The following SLC14A2 variants were observed in gnomAD, a reference collection of about 807,000 sequenced individuals.
SLC14A2 encodes the protein urea transporter 2.
SLC14A2 carries 91 observed loss-of-function variants against 104.6 expected under a neutral mutation model. That is an observed-to-expected ratio of 0.87 (90% confidence interval 0.73 to 1.04). The LOEUF is 1.04. Ranked by LOEUF, SLC14A2 falls within the 50% of genes least tolerant of loss-of-function variation. The pLI is 0.00. For synonymous variants in SLC14A2, 476 were observed against 466.4 expected (o/e 1.02, Z -0.27); for missense variants, 1,189 against 1,156.0 (o/e 1.03, Z -0.41).
In SLC14A2 at chr18:45,486,498, T is replaced by C. The variant is rs148203910; in HGVS notation, c.-35+3176T>C. On this transcript the variant is annotated intron_variant, in intron 2 of 20. Coordinates refer to the SLC14A2 transcript ENST00000586448. ...CATTTTTCACAAATTATTTTCAGCA[T>C]AACCAAAAAATAAAAATGTATTTGC... 2.5e-4 allele frequency among the ~76,000 whole-genome samples: 38 copies of C among 152,266 alleles called. No individual in the cohort carries two copies. In the East Asian group the frequency reaches 7.3e-3, roughly 29 times the overall value.
intron 11 of SLC14A2, among the ~76,000 whole-genome samples, chr18:45,664,690 C>T (rs954828068): frequency 3.9e-5 from 6 of 152,202 alleles, no homozygotes; most frequent in Non-Finnish European, 7.3e-5. Context: ...CTTCCTCCAG[C>T]TCCCCCAAGT....
the SLC14A2 span, among the ~76,000 whole-genome samples, chr18:45,183,906 A>ATTTTTTTTTTTTTTTTTTTTTT: frequency 3.2e-5 from 2 of 62,720 alleles, no homozygotes; most frequent in Non-Finnish European, 5.4e-5. Context: ...TAATTTTCTA[A>ATTTTTTTTTTTTTTTTTTTTTT]TTTTTTTTTT....
intron 2 of SLC14A2, among the ~76,000 whole-genome samples, chr18:45,490,998 A>G (rs1293763438): frequency 6.6e-6 from 1 of 152,238 alleles, no homozygotes; most frequent in Admixed American, 6.5e-5. Context: ...GGGCACTGCC[A>G]TCCTAGAGGA....
At chr18:45,619,224 G>T (rs1186211362) in intron 1 of SLC14A2, among the ~76,000 whole-genome samples, 1 of 152,236 alleles carries the variant, frequency 6.6e-6, no homozygotes, top group African/African-American at 2.4e-5. Context: ...GTCCTGACAT[G>T]GAAGCTGAGC....
In SLC14A2 at chr18:45,362,691, G is replaced by A. The variant is rs533406623; in HGVS notation, c.-124-120542G>A. Among the ~76,000 whole-genome samples the A allele has an allele frequency of 3.9e-5, 6 of 152,326 alleles. No individual in the cohort carries two copies. In the South Asian group the frequency reaches 8.3e-4, roughly 21 times the overall value. ...GCTGCTACCAGGTAGGGCCACCCAC[G>A]TTCTGTCCAAAGCAGGAAGCATAGG... On this transcript the variant is annotated intron_variant, in intron 1 of 20. Coordinates refer to the SLC14A2 transcript ENST00000586448.
At chr18:45,511,505 T>C (rs2043365222) in intron 2 of SLC14A2, among the ~76,000 whole-genome samples, 1 of 152,122 alleles carries the variant, frequency 6.6e-6, no homozygotes, top group African/African-American at 2.4e-5. Context: ...CTGGGCTCAC[T>C]CCCACCACCC....
At chr18:45,312,784 A>G (rs1024322069) in intron 1 of SLC14A2, among the ~76,000 whole-genome samples, 2 of 152,198 alleles carry the variant, frequency 1.3e-5, no homozygotes, top group Admixed American at 1.3e-4. Flanking sequence ...CACGTTTTCC[A>G]GTCTACTTAG....
intron 1 of SLC14A2, among the ~76,000 whole-genome samples, chr18:45,231,185 A>G (rs1219652965): frequency 6.6e-6 from 1 of 151,870 alleles, no homozygotes; most frequent in Non-Finnish European, 1.5e-5. Flanking sequence ...TAACATCTTG[A>G]TACTTTTTTT....
chr18:45,482,286 G>A (rs866569388), intron 1 of SLC14A2, among the ~76,000 whole-genome samples: 3 of 152,160 alleles, frequency 2.0e-5, no homozygotes, highest in African/African-American at 7.2e-5. Flanking sequence ...TTATGGTACA[G>A]ACATATTAAC....
At chr18:45,440,805 G>A (rs751078899) in intron 1 of SLC14A2, among the ~76,000 whole-genome samples, 3 of 152,100 alleles carry the variant, frequency 2.0e-5, no homozygotes, top group African/African-American at 4.8e-5. Flanking sequence ...AAAGGGAAAC[G>A]GCTGTTGCTA....
At chr18:45,524,088 G>T (rs944405263) in intron 2 of SLC14A2, among the ~76,000 whole-genome samples, 4 of 152,170 alleles carry the variant, frequency 2.6e-5, no homozygotes, top group Non-Finnish European at 5.9e-5. Flanking sequence ...CTATTGTAAG[G>T]ATTGGCAGTA....
intron 1 of SLC14A2, among the ~76,000 whole-genome samples, chr18:45,353,632 C>A (rs2085523267): frequency 6.6e-6 from 1 of 152,164 alleles, no homozygotes; most frequent in Non-Finnish European, 1.5e-5. Context: ...CTTTCCTTCC[C>A]ACCACATCGT....
chr18:45,211,758 A>G (rs529391262), upstream of SLC14A2, among the ~76,000 whole-genome samples: 45 of 152,320 alleles, frequency 3.0e-4, 1 homozygote, highest in Admixed American at 2.7e-3. Flanking sequence ...CAATGTACAG[A>G]ACAATACATT....
intron 19 of SLC14A2, among the ~76,000 whole-genome samples, chr18:45,680,560 A>G (rs2046297373): frequency 6.6e-6 from 1 of 152,218 alleles, no homozygotes; most frequent in South Asian, 2.1e-4. Context: ...AGAAGAGCAC[A>G]TAGGAGCTGT....
intron 10 of SLC14A2, among the ~76,000 whole-genome samples, chr18:45,659,927 C>A (rs757900218): frequency 6.7e-6 from 1 of 149,428 alleles, no homozygotes; most frequent in Admixed American, 6.7e-5. Flanking sequence ...GAGTTTGGGA[C>A]CAGCCTGGTC....
intron 1 of SLC14A2, among the ~76,000 whole-genome samples, chr18:45,314,006 A>G (rs1042085039): frequency 6.6e-6 from 1 of 152,198 alleles, no homozygotes; most frequent in Non-Finnish European, 1.5e-5. Flanking sequence ...CATCCGTGCA[A>G]TGGCAGGAAG....
At chr18:45,346,309 C>A (rs953716135) in intron 1 of SLC14A2, among the ~76,000 whole-genome samples, 5 of 152,174 alleles carry the variant, frequency 3.3e-5, no homozygotes, top group Non-Finnish European at 7.3e-5. Context: ...GCATGCACCA[C>A]CACATCTGGC....
intron 2 of SLC14A2, among the ~76,000 whole-genome samples, chr18:45,557,300 G>A (rs1373298096): frequency 6.6e-6 from 1 of 152,188 alleles, no homozygotes; most frequent in Non-Finnish European, 1.5e-5. Context: ...TTCTGCAATA[G>A]GTTCCCTCTA....
intron 1 of SLC14A2, among the ~76,000 whole-genome samples, chr18:45,328,545 G>A (rs371355857): frequency 3.3e-5 from 5 of 152,296 alleles, no homozygotes; most frequent in East Asian, 1.9e-4. Context: ...CAGGGGCTGC[G>A]TCAACTTCTT....
Sources: allele counts gnomAD v4.1 joint callset (sites outside exome capture counted in the v4.1 genomes callset), GRCh38; gene constraint gnomAD v4.1.1; transcripts MANE v1.5; gene names NCBI Gene and HGNC (gene_info 2026-07-23, HGNC 2026-07-21).